The following ISLR2 variants were observed in gnomAD, a reference collection of about 807,000 sequenced individuals.
ISLR2 encodes the protein immunoglobulin superfamily containing leucine rich repeat 2.
Under a neutral mutation model 25.5 loss-of-function variants are expected in ISLR2, and 16 were observed. The observed-to-expected ratio is 0.63, with a 90% CI of 0.43 to 0.95. ISLR2 has a LOEUF of 0.95. Among genes scored for constraint, ISLR2 ranks in the 40% least tolerant of loss-of-function variants. The probability of loss-of-function intolerance (pLI) is 0.00; values close to 1 mark genes in which losing one functional copy is unlikely to be tolerated. For missense variants in ISLR2, 883 were observed against 1,030.7 expected, an observed-to-expected ratio of 0.86 and a Z score of 1.96; for synonymous variants, 508 against 486.6, an observed-to-expected ratio of 1.04 and a Z score of -0.58.
chr15:74,121,985 G>A (rs1400312005), intron 2 of ISLR2, among the ~76,000 whole-genome samples: 3 of 152,180 alleles, frequency 2.0e-5, no homozygotes, highest in Admixed American at 6.5e-5. Flanking sequence ...GGGTACGGGG[G>A]ACTAACGCAG....
rs1202458484 is a variant in ISLR2 at position 74,132,112 on chromosome 15, C to G, written c.-8-635C>G. 6.6e-6 allele frequency: 1 copy of G among 152,542 alleles called. No homozygotes were observed. Among genetic ancestry groups the G allele is most frequent in the African/African-American group, 2.4e-5 (1 of 41,446 alleles). The allele number at this position is 152,542 out of a possible 1,614,324, so 9.4% of individuals were successfully genotyped here. A position where few individuals can be genotyped will look rare whatever the true frequency, so the allele number is the denominator to read the frequency against. ...CCGTGGTGGAAAACACGTACAAATGCTGGTTAAGAGAACAATGAGGTCTGC... is the reference window on the plus strand; with the variant it reads ...CCGTGGTGGAAAACACGTACAAATGGTGGTTAAGAGAACAATGAGGTCTGC... On this transcript the variant is annotated intron_variant, in intron 2 of 2. Coordinates refer to ENST00000453268, the MANE Select transcript of ISLR2 (RefSeq NM_020851.3). The surrounding 1 kb of genome is among the most constrained non-coding windows in gnomAD (Gnocchi z 4.3).
At chr15:74,128,265 CCTGCCCGGGCGGGCA>C, upstream of ISLR2, 2 of 342,392 alleles carry the variant, frequency 5.8e-6, no homozygotes, top group East Asian at 1.9e-4. Context: ...GGGCTCCAGC[CCTGCCCGGGCGGGCA>C]CTGGGCTCTC....
chr15:74,113,739 C>G (rs2072189000), intron 2 of ISLR2, among the ~76,000 whole-genome samples: 1 of 152,220 alleles, frequency 6.6e-6, no homozygotes, highest in Non-Finnish European at 1.5e-5. Flanking sequence ...GCATGGCCTT[C>G]TAGGCCCTCT....
downstream of ISLR2, chr15:74,138,312 A>G (rs1359909616): frequency 3.2e-5 from 3 of 93,888 alleles, no homozygotes; most frequent in Non-Finnish European, 4.1e-5. Flanking sequence ...TTTTTTTTGC[A>G]TAGGCATTAC....
At position 74,134,751 on chromosome 15, in the gene ISLR2, G is replaced by A. The variant is rs367544834; in HGVS notation, c.1997G>A (p.Gly666Asp). ...KSYPAGGEAG[G>D]EEPEDVQGEG... ...TACCCGGCAGGCGGCGAGGCGGGCGGCGAGGAGCCAGAGGACGTGCAGGGG... is the reference window on the plus strand; with the variant it reads ...TACCCGGCAGGCGGCGAGGCGGGCGACGAGGAGCCAGAGGACGTGCAGGGG... Residue 666 changes from glycine (G) to aspartate (D), a missense_variant, in exon 3 of 3, where the codon GGC becomes GAC. By Grantham distance (94) the Gly-to-Asp change is moderately conservative. Around this residue, in one of 2 missense-constraint regions of ISLR2, gnomAD observed 612 missense variants for 642.8 expected, o/e 0.95. Coordinates refer to ENST00000453268, the MANE Select transcript of ISLR2 (RefSeq NM_020851.3). 6.2e-7 allele frequency: 1 copy of A among 1,613,828 alleles called. No homozygotes were observed. The highest frequency in any genetic ancestry group is 1.3e-5 in the African/African-American group (1 of 74,896).
intron 2 of ISLR2, among the ~76,000 whole-genome samples, chr15:74,112,332 T>C (rs2072174401): frequency 6.6e-6 from 1 of 152,164 alleles, no homozygotes; most frequent in Non-Finnish European, 1.5e-5. Context: ...AATTTAGATT[T>C]CTGATAACAA....
At chr15:74,119,074 C>G (rs921122010) in intron 2 of ISLR2, among the ~76,000 whole-genome samples, 7 of 152,178 alleles carry the variant, frequency 4.6e-5, no homozygotes, top group African/African-American at 1.7e-4. Flanking sequence ...TCCACCACCT[C>G]AAGCATTTAT....
At chr15:74,112,586 G>T (rs1252861777) in intron 2 of ISLR2, among the ~76,000 whole-genome samples, 1 of 149,384 alleles carries the variant, frequency 6.7e-6, no homozygotes, top group Admixed American at 6.7e-5. Flanking sequence ...GGCATGCAAT[G>T]GTGCCATCTC....
downstream of ISLR2, among the ~76,000 whole-genome samples, chr15:74,137,953 T>A (rs565032403): frequency 2.0e-5 from 3 of 152,276 alleles, no homozygotes; most frequent in East Asian, 3.9e-4. Context: ...CTTTTTTTTT[T>A]ATTTTTTTAT....
chr15:74,118,312 G>A (rs1349880088), intron 2 of ISLR2, among the ~76,000 whole-genome samples: 5 of 152,218 alleles, frequency 3.3e-5, no homozygotes, highest in Middle Eastern at 6.8e-3. Context: ...TGCTTCACAA[G>A]GTAATAGAAT....
At chr15:74,107,756 T>A (rs754671719) in intron 2 of ISLR2, among the ~76,000 whole-genome samples, 35 of 152,216 alleles carry the variant, frequency 2.3e-4, no homozygotes, top group Non-Finnish European at 4.1e-4. Flanking sequence ...ACTTTCATTT[T>A]CTACCTATCA....
At chr15:74,140,282 C>A (rs2072604768), downstream of ISLR2, among the ~76,000 whole-genome samples, 1 of 152,176 alleles carries the variant, frequency 6.6e-6, no homozygotes, top group South Asian at 2.1e-4. Context: ...ACAACCACAA[C>A]TAAAGCTAAC....
intron 2 of ISLR2, among the ~76,000 whole-genome samples, chr15:74,114,929 T>C (rs760859460): frequency 3.3e-5 from 5 of 152,034 alleles, no homozygotes; most frequent in African/African-American, 9.7e-5. Context: ...TCTTCAAGGC[T>C]GGTAGAATTT....
At chr15:74,100,336 G>A (rs1231252042) in exon 1 of ISLR2, 2 of 1,241,042 alleles carry the variant, frequency 1.6e-6, no homozygotes, top group Non-Finnish European at 2.0e-6. Context: ...GCCGGGAGCG[G>A]ACCGCAGCCC....
intron 2 of ISLR2, among the ~76,000 whole-genome samples, chr15:74,111,014 C>A (rs981554563): frequency 1.3e-5 from 2 of 151,064 alleles, no homozygotes; most frequent in Non-Finnish European, 2.9e-5. Flanking sequence ...TTGGTGGGTG[C>A]CTATAATCAC....
At chr15:74,139,863 A>T (rs1342635396), downstream of ISLR2, among the ~76,000 whole-genome samples, 2 of 128,050 alleles carry the variant, frequency 1.6e-5, no homozygotes, top group African/African-American at 5.9e-5. Flanking sequence ...CGGCTTGAGG[A>T]GTGTGTGTGT....
Position 74,132,833 on chromosome 15 carries a change from G to C in ISLR2, c.79G>C (p.Val27Leu). Reference protein sequence around the residue: ...AGSCPEPCACVDKYAHQFADC... With the variant: ...AGSCPEPCACLDKYAHQFADC... ...ATCATGCCCGGAGCCGTGCGCCTGC[G>C]TGGACAAGTACGCTCACCAGTTCGC... The change falls in exon 3 of 3, where the codon GTG (valine) becomes CTG (leucine). Residue 27 changes from valine to leucine, a missense_variant. Val to Leu is a conservative substitution (Grantham distance 32). Around this residue, in one of 2 missense-constraint regions of ISLR2, gnomAD observed 271 missense variants for 387.9 expected, o/e 0.70. Coordinates refer to ENST00000453268, the MANE Select transcript of ISLR2 (RefSeq NM_020851.3). The surrounding 1 kb of genome is among the most constrained non-coding windows in gnomAD (Gnocchi z 4.3). 6.2e-7 allele frequency: 1 copy of C among 1,614,112 alleles called. No homozygotes were observed. The highest frequency in any genetic ancestry group is 8.5e-7 in the Non-Finnish European group (1 of 1,179,958).
chr15:74,130,286 T>G (rs1354745734), upstream of ISLR2: 2 of 149,910 alleles, frequency 1.3e-5, no homozygotes, highest in African/African-American at 4.9e-5. Flanking sequence ...GTAGGGAGGG[T>G]GCGGCGCTCT....
At position 74,134,191 on chromosome 15, in the gene ISLR2, C is replaced by T. The variant is rs761817111; in HGVS notation, c.1437C>T (p.Leu479=). Residue 479 remains leucine, a synonymous_variant, in exon 3 of 3, where the codon CTC becomes CTT. Coordinates refer to ENST00000453268, the MANE Select transcript of ISLR2 (RefSeq NM_020851.3). Reference sequence around the variant, plus strand: ...ACGCGTTCAACCAGAGCGCAGAGCTCAAGCCGCACGTCTTCGAGCTGGGCG... The same window carrying T: ...ACGCGTTCAACCAGAGCGCAGAGCTTAAGCCGCACGTCTTCGAGCTGGGCG... ...SNHAFNQSAE[L]KPHVFELGVI... is the part of the protein sequence containing the mutation. 6.2e-7 allele frequency: 1 copy of T among 1,611,162 alleles called. No individual in the cohort carries two copies. Among genetic ancestry groups the T allele is most frequent in the Non-Finnish European group, 8.5e-7 (1 of 1,178,932 alleles).
Sources: allele counts gnomAD v4.1 joint callset (sites outside exome capture counted in the v4.1 genomes callset), GRCh38; gene constraint gnomAD v4.1.1; regional missense constraint gnomAD v4.1.1; non-coding constraint Gnocchi (gnomAD v3.1); transcripts MANE v1.5; gene names NCBI Gene and HGNC (gene_info 2026-07-23, HGNC 2026-07-21).